ACTR3C: variants seen among roughly 807,000 people sequenced by gnomAD.
The protein encoded by ACTR3C is actin related protein 3C.
A neutral mutation model predicts 26.3 loss-of-function variants in ACTR3C; 18 were observed. The ratio of observed to expected loss-of-function variants is 0.68; its 90% CI spans 0.47 to 1.01. The LOEUF (loss-of-function observed/expected upper bound fraction) is 1.01. ACTR3C is among the 50% of genes least tolerant of loss of function. The pLI is 0.00. For missense variants in ACTR3C, 184 were observed against 250.7 expected (o/e 0.73, Z 1.80); for synonymous variants, 55 against 94.5 (o/e 0.58, Z 2.42).
chr7:150,041,320 C>A, the ACTR3C span: 1 of 151,012 alleles, frequency 6.6e-6, no homozygotes, highest in Non-Finnish European at 1.5e-5. Flanking sequence ...TGCCCTTAAG[C>A]TCCGGTAGAT....
chr7:150,010,491 T>C, the ACTR3C span, among the ~76,000 whole-genome samples: 1 of 152,034 alleles, frequency 6.6e-6, no homozygotes, highest in East Asian at 1.9e-4. Flanking sequence ...GTCAGGAGTT[T>C]GAGACCATCC....
chr7:149,960,796 C>A, the ACTR3C span, among the ~76,000 whole-genome samples: 1 of 152,188 alleles, frequency 6.6e-6, no homozygotes, highest in Non-Finnish European at 1.5e-5. Flanking sequence ...TCTCAGAAAG[C>A]AACATCTTCC....
the ACTR3C span, among the ~76,000 whole-genome samples, chr7:149,941,805 T>C: frequency 0.24 from 35,758 of 152,026 alleles, 6,575 homozygotes; most frequent in African/African-American, 0.52. Flanking sequence ...AGAGGAACCT[T>C]CTAATGAGAA....
chr7:150,089,546 T>C, the ACTR3C span, among the ~76,000 whole-genome samples: 1 of 152,158 alleles, frequency 6.6e-6, no homozygotes, highest in Non-Finnish European at 1.5e-5. Context: ...GAGCTATTTG[T>C]GGCCCAGGGC....
chr7:150,306,991 A>G (rs1795851966), intron 1 of ACTR3C, among the ~76,000 whole-genome samples: 1 of 152,138 alleles, frequency 6.6e-6, no homozygotes, highest in Non-Finnish European at 1.5e-5. Context: ...AAAAGCAGTT[A>G]TAAAAGGATA....
chr7:150,066,424 T>G, the ACTR3C span, among the ~76,000 whole-genome samples: 1 of 152,220 alleles, frequency 6.6e-6, no homozygotes, highest in Non-Finnish European at 1.5e-5. Flanking sequence ...TTCTTTCATC[T>G]TCTAAGTCAA....
At chr7:149,966,347 T>C in the ACTR3C span, among the ~76,000 whole-genome samples, 3 of 152,200 alleles carry the variant, frequency 2.0e-5, no homozygotes, top group East Asian at 5.8e-4. Flanking sequence ...AACACAATGA[T>C]GTGCAAAGTC....
chr7:150,003,511 G>A, the ACTR3C span, among the ~76,000 whole-genome samples: 21 of 152,236 alleles, frequency 1.4e-4, no homozygotes, highest in African/African-American at 3.9e-4. Context: ...GTGGCATGCG[G>A]TGTGGTATGT....
chr7:150,303,670 T>C (rs1795603707), intron 1 of ACTR3C, among the ~76,000 whole-genome samples: 2 of 152,206 alleles, frequency 1.3e-5, no homozygotes, highest in South Asian at 4.1e-4. Context: ...ATTTCATCTC[T>C]ATCCACCACT....
At chr7:150,194,678 A>C in the ACTR3C span, among the ~76,000 whole-genome samples, 1 of 151,032 alleles carries the variant, frequency 6.6e-6, no homozygotes, top group Non-Finnish European at 1.5e-5. Context: ...TATTGTTTTC[A>C]TTGTTTCATT....
chr7:150,272,773 C>G lies in ACTR3C; in HGVS notation c.564+11980G>C, dbSNP rs1360640050. Reference sequence around the variant, plus strand: ...TGGTGCAATCCTAACTCCCTGTAGCCTCCACCTCCCAGGCTCAAGCAATCC... The same window carrying G: ...TGGTGCAATCCTAACTCCCTGTAGCGTCCACCTCCCAGGCTCAAGCAATCC... On this transcript the variant is annotated intron_variant, in intron 6 of 7. Coordinates refer to ENST00000683684, the MANE Select transcript of ACTR3C (RefSeq NM_001164458.2). Among the ~76,000 whole-genome samples, 6 of 135,148 alleles carry G rather than the reference C, an allele frequency of 4.4e-5. 1 individual carries two copies. The highest frequency in any genetic ancestry group is 7.5e-5 in the Non-Finnish European group (5 of 66,448). The allele number at this position is 135,148 out of a possible 152,430, so 88.7% of individuals were successfully genotyped here. A position where few individuals can be genotyped will look rare whatever the true frequency, so the allele number is the denominator to read the frequency against.
At chr7:149,886,953 G>C in the ACTR3C span, among the ~76,000 whole-genome samples, 2 of 89,408 alleles carry the variant, frequency 2.2e-5, no homozygotes, top group African/African-American at 1.2e-4. Flanking sequence ...GAGCGAGACT[G>C]ACTCAAAAAA....
At chr7:149,881,583 C>CGG in the ACTR3C span, 203 of 150,328 alleles carry the variant, frequency 1.4e-3, no homozygotes, top group Non-Finnish European at 1.8e-3. Flanking sequence ...GCTGGCTGGG[C>CGG]GGTGGGGCGG....
chr7:150,216,429 T>C, the ACTR3C span, among the ~76,000 whole-genome samples: 1 of 151,544 alleles, frequency 6.6e-6, no homozygotes, highest in Non-Finnish European at 1.5e-5. Flanking sequence ...TTTCTGGGGT[T>C]GTGGGGGTGA....
the ACTR3C span, among the ~76,000 whole-genome samples, chr7:150,153,160 G>C: frequency 2.0e-5 from 3 of 152,130 alleles, no homozygotes; most frequent in Admixed American, 1.3e-4. Context: ...ACATAGGCAT[G>C]GGCGAGGACT....
the ACTR3C span, among the ~76,000 whole-genome samples, chr7:149,964,709 T>C: frequency 2.0e-5 from 3 of 152,198 alleles, no homozygotes; most frequent in Non-Finnish European, 4.4e-5. Context: ...CCAAGGGAAA[T>C]ACATAGTCAG....
the ACTR3C span, among the ~76,000 whole-genome samples, chr7:150,093,898 G>C: frequency 6.6e-6 from 1 of 150,838 alleles, no homozygotes; most frequent in Non-Finnish European, 1.5e-5. Flanking sequence ...GTTATCGAGG[G>C]CTTCCTGCGT....
the ACTR3C span, among the ~76,000 whole-genome samples, chr7:149,883,861 G>C: frequency 6.6e-6 from 1 of 152,126 alleles, no homozygotes; most frequent in Non-Finnish European, 1.5e-5. Flanking sequence ...GAGCTCTGTC[G>C]TTCTCCACTC....
the ACTR3C span, among the ~76,000 whole-genome samples, chr7:149,907,232 C>T: frequency 1.0e-5 from 1 of 96,538 alleles, no homozygotes; most frequent in African/African-American, 4.0e-5. Flanking sequence ...CACCATCCCA[C>T]AGCACCCCTG....
Sources: gnomAD v4.1 joint callset for allele counts (sites outside exome capture counted in the v4.1 genomes callset) on GRCh38, gnomAD v4.1.1 for gene constraint, MANE v1.5 for transcripts, NCBI Gene and HGNC (gene_info 2026-07-23, HGNC 2026-07-21) for gene names.